The following THSD7A variants were observed in gnomAD, a reference collection of about 807,000 sequenced individuals.
The protein encoded by THSD7A is thrombospondin type-1 domain-containing protein 7A.
In THSD7A, 96 loss-of-function variants were observed where a neutral mutation model predicts 231.3. The observed-to-expected ratio is 0.41, with a 90% CI of 0.35 to 0.49. The LOEUF (loss-of-function observed/expected upper bound fraction) is 0.49. Among genes scored for constraint, THSD7A ranks in the 20% least tolerant of loss-of-function variants. THSD7A has a pLI of 0.05. For missense variants in THSD7A, 2,290 were observed against 2,070.2 expected (o/e 1.11, Z -2.06); for synonymous variants, 940 against 743.3 (o/e 1.26, Z -4.30).
At chr7:11,546,200 G>GCACACACACACACA (rs1554335284) in intron 4 of THSD7A, among the ~76,000 whole-genome samples, 2 of 40,826 alleles carry the variant, frequency 4.9e-5, no homozygotes, top group African/African-American at 2.7e-4. Flanking sequence ...GTGTGGGCGC[G>GCACACACACACACA]CGCTCACACA....
At chr7:11,443,336 T>C (rs2128293665) in intron 13 of THSD7A, among the ~76,000 whole-genome samples, 1 of 152,230 alleles carries the variant, frequency 6.6e-6, no homozygotes, top group South Asian at 2.1e-4. Context: ...TTCTACATTA[T>C]CACCTCAAAG....
At chr7:11,646,323 A>G (rs1387470603) in intron 1 of THSD7A, among the ~76,000 whole-genome samples, 1 of 152,092 alleles carries the variant, frequency 6.6e-6, no homozygotes, top group Non-Finnish European at 1.5e-5. Context: ...ATTTCAGTAT[A>G]AATGTGATTG....
intron 4 of THSD7A, among the ~76,000 whole-genome samples, chr7:11,547,955 A>G (rs562966856): frequency 6.6e-6 from 1 of 152,308 alleles, no homozygotes; most frequent in Admixed American, 6.5e-5. Context: ...GAGGAACTAG[A>G]AAAACAAGAG....
At chr7:11,675,403 T>C (rs1783597286) in intron 1 of THSD7A, among the ~76,000 whole-genome samples, 1 of 152,006 alleles carries the variant, frequency 6.6e-6, no homozygotes, top group Non-Finnish European at 1.5e-5. Context: ...CCTGGAATGC[T>C]AGCGAGACAG....
At chr7:11,537,945 T>G (rs1457777354) in intron 6 of THSD7A, among the ~76,000 whole-genome samples, 1 of 152,196 alleles carries the variant, frequency 6.6e-6, no homozygotes, top group African/African-American at 2.4e-5. Flanking sequence ...AGTCTTTGGA[T>G]AGCAGAGTTA....
Position 11,474,296 on chromosome 7 carries a change from G to A in THSD7A, c.2252+38C>T. On this transcript the variant is annotated intron_variant, in intron 8 of 27. Coordinates refer to ENST00000423059, the MANE Select transcript of THSD7A (RefSeq NM_015204.3). This position sits in a 1 kb window ranked among gnomAD's most constrained non-coding sequence, Gnocchi z 4.1. ...GCCTGAGCCAATCCTCTGCACAGGT[G>A]GCTACACGATTTACTGTTGTCATTC... 1.3e-6 allele frequency: 2 copies of A among 1,545,218 alleles called. No homozygotes were observed. Among genetic ancestry groups the A allele is most frequent in the Middle Eastern group, 1.7e-4 (1 of 5,770 alleles).
rs138036985 is a variant in THSD7A, at chr7:11,543,106, T to G, written c.1465A>C (p.Met489Leu). 1 of 1,611,272 alleles carries G rather than the reference T, an allele frequency of 6.2e-7. No individual in the cohort carries two copies. The highest frequency in any genetic ancestry group is 1.1e-5 in the South Asian group (1 of 90,360). The change falls in exon 5 of 28, where the codon ATG becomes CTG. Residue 489 changes from methionine to leucine, a missense_variant. Met to Leu is a conservative substitution (Grantham distance 15). Coordinates refer to ENST00000423059, the MANE Select transcript of THSD7A (RefSeq NM_015204.3). ...THKNKEASKPMDLKLCTGPIP... is the reference protein window; with the variant it reads ...THKNKEASKPLDLKLCTGPIP... ...GGTCCAGTGCATAATTTTAAGTCCA[T>G]TGGCTTTGAGGCTAGAGAAAAATAC... is the stretch of plus-strand genomic sequence containing the variant.
At position 11,636,813 on chromosome 7, in the gene THSD7A, T is replaced by G. The variant is rs373534681; in HGVS notation, c.339A>C (p.Lys113Asn). The change falls in exon 2 of 28, where the codon AAA becomes AAC. Residue 113 changes from lysine (K) to asparagine (N), a missense_variant. Transcript: ENST00000423059. This position sits in a 1 kb window ranked among gnomAD's most constrained non-coding sequence, Gnocchi z 10.0. ...ERPNNQQNCF[K>N]VCDWHKELYD... ...ACAACTCTTTGTGCCAATCGCAAACTTTGAAACAATTCTGCTGGTTATTGG... is the reference window on the plus strand; with the variant it reads ...ACAACTCTTTGTGCCAATCGCAAACGTTGAAACAATTCTGCTGGTTATTGG... The G allele has an allele frequency of 1.9e-5, 31 of 1,613,838 alleles. No homozygotes were observed. The highest frequency in any genetic ancestry group is 2.5e-5 in the Non-Finnish European group (30 of 1,179,886).
chr7:11,676,034 G>A (rs60671885), intron 1 of THSD7A, among the ~76,000 whole-genome samples: 6,818 of 152,294 alleles, frequency 0.045, 489 homozygotes, highest in African/African-American at 0.15. Flanking sequence ...GAATCTGGCA[G>A]GTGCCCCTCT....
chr7:11,712,791 T>A (rs1462492352), intron 1 of THSD7A, among the ~76,000 whole-genome samples: 2 of 151,112 alleles, frequency 1.3e-5, no homozygotes, highest in Non-Finnish European at 3.0e-5. Flanking sequence ...ATTTTAGTAA[T>A]GAAACTGTTC....
chr7:11,389,162 T>C (rs1348252732), intron 23 of THSD7A, among the ~76,000 whole-genome samples: 1 of 152,186 alleles, frequency 6.6e-6, no homozygotes, highest in African/African-American at 2.4e-5. Context: ...CTGAATATCC[T>C]TGTTAATTTT....
chr7:11,541,593 T>C lies in THSD7A; in HGVS notation c.1648A>G (p.Thr550Ala). 1 of 1,613,984 alleles carries C rather than the reference T, an allele frequency of 6.2e-7. No individual in the cohort carries two copies. The highest frequency in any genetic ancestry group is 8.5e-7 in the Non-Finnish European group (1 of 1,179,888). The stretch of plus-strand genomic sequence containing the variant: ...TTTCCGGTTACCCCAGAGCCTCCAG[T>C]GGGCTCATTGGTAATGCGCCGCTTC... ...LRKRRITNEP[T>A]GGSGVTGNCP... Residue 550 changes from threonine (T) to alanine (A), a missense_variant, in exon 6 of 28, where the codon ACT (threonine) becomes GCT (alanine). By Grantham distance (58) the Thr-to-Ala change is moderately conservative (BLOSUM62 0). Transcript: ENST00000423059.
intron 23 of THSD7A, among the ~76,000 whole-genome samples, chr7:11,398,066 A>G (rs541265363): frequency 1.7e-4 from 26 of 152,318 alleles, no homozygotes; most frequent in African/African-American, 6.3e-4. Context: ...AAATCATTCT[A>G]TTATAAAGAC....
At position 11,372,571 on chromosome 7, in the gene THSD7A, A is replaced by G. The variant is rs184092048; in HGVS notation, c.*3223T>C. 1.4e-3 allele frequency: 220 copies of G among 152,252 alleles called. 1 individual carries two copies. Among genetic ancestry groups the G allele is most frequent in the African/African-American group, 5.2e-3 (216 of 41,564 alleles). 9.4% of individuals were successfully genotyped at this position (152,252 alleles called of 1,614,324 possible). A position where few individuals can be genotyped will look rare whatever the true frequency, so the allele number is the denominator to read the frequency against. ...TAAGCAAATCAGCCCCTTTCAAAAG[A>G]GATCAGTTAGTCCTATTCTACGTGG... On this transcript the variant is annotated 3_prime_UTR_variant, in exon 28 of 28. Coordinates refer to ENST00000423059, the MANE Select transcript of THSD7A (RefSeq NM_015204.3).
Position 11,446,103 on chromosome 7 carries a change from G to T in THSD7A, c.3022C>A (p.Gln1008Lys). The T allele has an allele frequency of 6.2e-7, 1 of 1,613,370 alleles. No individual in the cohort carries two copies. ...YRYQAMACYD[Q>K]NGRLVETSRC... ...GATGTTTCCACAAGCCTGCCATTTTGATCGTAGCATGCCATTGCTTGGTAA... is the reference window on the plus strand; with the variant it reads ...GATGTTTCCACAAGCCTGCCATTTTTATCGTAGCATGCCATTGCTTGGTAA... The change falls in exon 13 of 28, where the codon CAA becomes AAA. Residue 1008 changes from glutamine to lysine, a missense_variant. Coordinates refer to ENST00000423059, the MANE Select transcript of THSD7A (RefSeq NM_015204.3). This position sits in a 1 kb window ranked among gnomAD's most constrained non-coding sequence, Gnocchi z 4.0.
rs1441507227 is a variant in THSD7A at position 11,474,866 on chromosome 7, A to C, written c.2018-298T>G. Reference sequence around the variant, plus strand: ...GAAATAATTATATTGTGCGGTATTTAGTATAACTGGGATTCAAGGAGTACA... The same window carrying C: ...GAAATAATTATATTGTGCGGTATTTCGTATAACTGGGATTCAAGGAGTACA... On this transcript the variant is annotated intron_variant, in intron 7 of 27. Coordinates refer to ENST00000423059, the MANE Select transcript of THSD7A (RefSeq NM_015204.3). This position sits in a 1 kb window ranked among gnomAD's most constrained non-coding sequence, Gnocchi z 4.1. Among the ~76,000 whole-genome samples the C allele has an allele frequency of 6.6e-6, 1 of 152,180 alleles. No homozygotes were observed. The highest frequency in any genetic ancestry group is 1.5e-5 in the Non-Finnish European group (1 of 68,034).
chr7:11,469,898 G>A lies in THSD7A; in HGVS notation c.2349C>T (p.Cys783=), dbSNP rs754296758. 1.3e-6 allele frequency: 2 copies of A among 1,597,174 alleles called. No individual in the cohort carries two copies. Among genetic ancestry groups the A allele is most frequent in the Non-Finnish European group, 1.7e-6 (2 of 1,170,288 alleles). ...IVTPYSDWTS[C]PSSCKEGDSS... is the part of the protein sequence containing the mutation. ...CCATACCTTCTTTACACGAAGAGGG[G>A]CATGATGTCCAGTCACTATATGGGG... The change falls in exon 9 of 28, where the codon TGC becomes TGT. Residue 783 remains cysteine (C), a synonymous_variant. Coordinates refer to ENST00000423059, the MANE Select transcript of THSD7A (RefSeq NM_015204.3).
At chr7:11,487,690 T>A (rs1006436854) in intron 6 of THSD7A, among the ~76,000 whole-genome samples, 40 of 152,088 alleles carry the variant, frequency 2.6e-4, no homozygotes, top group Admixed American at 1.9e-3. Context: ...CCTTACATGG[T>A]GGCAGGCAAG....
intron 2 of THSD7A, among the ~76,000 whole-genome samples, chr7:11,635,271 G>C (rs17164958): frequency 0.098 from 14,813 of 151,918 alleles, 2,000 homozygotes; most frequent in African/African-American, 0.29. Context: ...ATTTTTTTCA[G>C]TTCAATCCAA....
Sources: gnomAD v4.1 joint callset for allele counts (sites outside exome capture counted in the v4.1 genomes callset) on GRCh38, gnomAD v4.1.1 for gene constraint, Gnocchi (gnomAD v3.1) non-coding constraint, MANE v1.5 for transcripts, NCBI Gene and HGNC (gene_info 2026-07-23, HGNC 2026-07-21) for gene names.